The following KCNH5 variants were observed in gnomAD, a reference collection of about 807,000 sequenced individuals.
KCNH5 encodes the protein voltage-gated delayed rectifier potassium channel KCNH5.
In KCNH5, 46 loss-of-function variants were observed where a neutral mutation model predicts 96.1. The observed-to-expected ratio is 0.48, with a 90% CI of 0.38 to 0.61. KCNH5 has a LOEUF of 0.61. Ranked by LOEUF, KCNH5 falls within the 20% of genes least tolerant of loss-of-function variation. The probability of loss-of-function intolerance (pLI) is 0.00; values close to 1 mark genes in which losing one functional copy is unlikely to be tolerated. For missense variants in KCNH5, 907 were observed against 1,225.8 expected, an observed-to-expected ratio of 0.74 and a Z score of 3.88; for synonymous variants, 439 against 449.8, an observed-to-expected ratio of 0.98 and a Z score of 0.30.
chr14:62,957,739 C>A (rs759254348), intron 6 of KCNH5, among the ~76,000 whole-genome samples: 9 of 152,196 alleles, frequency 5.9e-5, no homozygotes, highest in Non-Finnish European at 7.3e-5. Context: ...ACTCACTAGG[C>A]TTTGGGGGAT....
intron 7 of KCNH5, among the ~76,000 whole-genome samples, chr14:62,902,752 CT>C (rs1888953134): frequency 6.6e-6 from 1 of 150,502 alleles, no homozygotes; most frequent in Non-Finnish European, 1.5e-5. Context: ...AAGAGCCTCA[CT>C]CTGTCATGCG....
At chr14:63,030,234 C>T (rs1221654606) in intron 1 of KCNH5, among the ~76,000 whole-genome samples, 1 of 151,936 alleles carries the variant, frequency 6.6e-6, no homozygotes, top group African/African-American at 2.4e-5. Context: ...ATTCCATCTC[C>T]AAAGGGATCA....
intron 7 of KCNH5, among the ~76,000 whole-genome samples, chr14:62,930,682 G>T (rs139141651): frequency 8.3e-4 from 127 of 152,212 alleles, no homozygotes; most frequent in African/African-American, 3.0e-3. Flanking sequence ...AGAATTCCCT[G>T]TGCACTACAG....
chr14:62,843,166 T>G (rs1485252375), intron 8 of KCNH5, among the ~76,000 whole-genome samples: 2 of 152,196 alleles, frequency 1.3e-5, no homozygotes, highest in African/African-American at 4.8e-5. Context: ...TATAACAAAA[T>G]TCCAAGAACT....
intron 7 of KCNH5, among the ~76,000 whole-genome samples, chr14:62,888,427 T>G (rs894918357): frequency 6.6e-6 from 1 of 152,174 alleles, no homozygotes; most frequent in Non-Finnish European, 1.5e-5. Context: ...TCATTCAACC[T>G]CTGAGTCTCA....
At chr14:63,004,329 GC>G (rs1891086569) in intron 3 of KCNH5, among the ~76,000 whole-genome samples, 1 of 152,076 alleles carries the variant, frequency 6.6e-6, no homozygotes, top group Non-Finnish European at 1.5e-5. Context: ...GAAAACAAAA[GC>G]AAAACTCAAT....
intron 7 of KCNH5, among the ~76,000 whole-genome samples, chr14:62,892,109 A>G (rs1236453940): frequency 6.6e-6 from 1 of 152,246 alleles, no homozygotes; most frequent in African/African-American, 2.4e-5. Context: ...AGGTATGCCA[A>G]AAGCTGAAAG....
chr14:62,855,123 C>G (rs1051104119), intron 7 of KCNH5, among the ~76,000 whole-genome samples: 18 of 151,986 alleles, frequency 1.2e-4, no homozygotes, highest in African/African-American at 3.9e-4. Flanking sequence ...GAGCATTTTT[C>G]TGGAGAGGCC....
intron 9 of KCNH5, among the ~76,000 whole-genome samples, chr14:62,781,140 C>T (rs1243591275): frequency 6.6e-6 from 1 of 152,014 alleles, no homozygotes; most frequent in African/African-American, 2.4e-5. Context: ...TAAAGCTGGG[C>T]GTCCAGGGGA....
chr14:62,780,372 A>T (rs1886184654), intron 9 of KCNH5, among the ~76,000 whole-genome samples: 1 of 152,172 alleles, frequency 6.6e-6, no homozygotes, highest in Non-Finnish European at 1.5e-5. Flanking sequence ...AATACACATT[A>T]TTCAGTAACT....
chr14:62,800,715 G>C (rs955057140), intron 9 of KCNH5, among the ~76,000 whole-genome samples: 1 of 152,020 alleles, frequency 6.6e-6, no homozygotes, highest in Non-Finnish European at 1.5e-5. Flanking sequence ...AGAATAGTTT[G>C]CTTAGTGTGT....
At chr14:62,906,102 T>C (rs1889021375) in intron 7 of KCNH5, among the ~76,000 whole-genome samples, 1 of 152,252 alleles carries the variant, frequency 6.6e-6, no homozygotes. Flanking sequence ...TTTTAATATC[T>C]AGACCACAAT....
chr14:62,964,003 G>A (rs1200174421), intron 6 of KCNH5, among the ~76,000 whole-genome samples: 1 of 152,062 alleles, frequency 6.6e-6, no homozygotes, highest in Non-Finnish European at 1.5e-5. Flanking sequence ...GGAATGTTAA[G>A]GCTATAAGAA....
At chr14:62,781,683 G>C (rs1194623151) in intron 9 of KCNH5, among the ~76,000 whole-genome samples, 1 of 152,218 alleles carries the variant, frequency 6.6e-6, no homozygotes, top group Non-Finnish European at 1.5e-5. Context: ...GTTCCGCCGG[G>C]CTCACCGGAG....
At chr14:62,983,918 A>G (rs1890657846) in intron 5 of KCNH5, among the ~76,000 whole-genome samples, 1 of 152,168 alleles carries the variant, frequency 6.6e-6, no homozygotes, top group African/African-American at 2.4e-5. Context: ...AAGCCCTCCA[A>G]AAAAATGCAA....
intron 7 of KCNH5, among the ~76,000 whole-genome samples, chr14:62,898,919 G>A (rs71414475): frequency 0.28 from 41,913 of 151,928 alleles, 7,243 homozygotes; most frequent in South Asian, 0.59. Flanking sequence ...AATTCCCCAG[G>A]GAGACATAAT....
intron 9 of KCNH5, among the ~76,000 whole-genome samples, chr14:62,785,677 T>C (rs1886307031): frequency 6.6e-6 from 1 of 152,146 alleles, no homozygotes; most frequent in African/African-American, 2.4e-5. Flanking sequence ...AAAAGGATTG[T>C]AAAACAGAAA....
intron 10 of KCNH5, among the ~76,000 whole-genome samples, chr14:62,778,193 G>T (rs1418860475): frequency 1.3e-5 from 2 of 152,106 alleles, no homozygotes; most frequent in Non-Finnish European, 2.9e-5. Flanking sequence ...ATACGAGGGG[G>T]ACTGGTTCCA....
intron 10 of KCNH5, among the ~76,000 whole-genome samples, chr14:62,751,657 T>C (rs1421905266): frequency 2.4e-4 from 37 of 152,200 alleles, no homozygotes; most frequent in Admixed American, 2.4e-3. Context: ...CCTTTCAGCT[T>C]CCCTTGTTCA....
Sources: gnomAD v4.1 joint callset for allele counts (sites outside exome capture counted in the v4.1 genomes callset) on GRCh38, gnomAD v4.1.1 for gene constraint, MANE v1.5 for transcripts, NCBI Gene and HGNC (gene_info 2026-07-23, HGNC 2026-07-21) for gene names.